Variants in CNTNAP2 observed in about 807,000 individuals in gnomAD.
CNTNAP2 encodes contactin associated protein 2, also known as contactin-associated protein-like 2.
CNTNAP2 carries 98 observed loss-of-function variants against 155.2 expected under a neutral mutation model. The ratio of observed to expected loss-of-function variants is 0.63; its 90% CI spans 0.54 to 0.75. The LOEUF (loss-of-function observed/expected upper bound fraction) is 0.75. CNTNAP2 is among the 30% of genes least tolerant of loss of function. CNTNAP2 has a pLI of 0.00. For missense variants in CNTNAP2, 1,727 were observed against 1,688.1 expected (o/e 1.02, Z -0.40); for synonymous variants, 651 against 631.2 (o/e 1.03, Z -0.47).
intron 21 of CNTNAP2, among the ~76,000 whole-genome samples, chr7:148,267,909 C>T (rs921658439): frequency 1.3e-5 from 2 of 152,114 alleles, no homozygotes; most frequent in African/African-American, 4.8e-5. Context: ...TCCTCTCACT[C>T]GTAAGAAAGC....
At chr7:146,673,409 CG>C (rs1800342925) in intron 1 of CNTNAP2, among the ~76,000 whole-genome samples, 2 of 152,098 alleles carry the variant, frequency 1.3e-5, no homozygotes, top group African/African-American at 4.8e-5. Context: ...ATGCCAGAAA[CG>C]AAACAGAAAT....
intron 14 of CNTNAP2, among the ~76,000 whole-genome samples, chr7:147,949,250 T>C (rs369875683): frequency 2.0e-5 from 3 of 151,606 alleles, no homozygotes; most frequent in African/African-American, 4.8e-5. Flanking sequence ...AAGAAAAATA[T>C]ATTTACTAGT....
chr7:147,495,894 C>T (rs1798698973), intron 11 of CNTNAP2, among the ~76,000 whole-genome samples: 1 of 152,162 alleles, frequency 6.6e-6, no homozygotes, highest in Non-Finnish European at 1.5e-5. Context: ...TACAGCCACT[C>T]CCCATTGCTC....
intron 13 of CNTNAP2, among the ~76,000 whole-genome samples, chr7:147,850,971 C>T (rs1031093707): frequency 2.0e-5 from 3 of 152,194 alleles, no homozygotes; most frequent in East Asian, 1.9e-4. Context: ...AAACTACCAG[C>T]AGAGTGAACA....
intron 13 of CNTNAP2, among the ~76,000 whole-genome samples, chr7:147,878,279 G>A (rs1799458983): frequency 6.6e-6 from 1 of 151,974 alleles, no homozygotes; most frequent in Non-Finnish European, 1.5e-5. Flanking sequence ...TGATGATGAT[G>A]ATGATAGTGA....
At chr7:147,775,234 T>A (rs1437876689) in intron 13 of CNTNAP2, among the ~76,000 whole-genome samples, 1 of 123,038 alleles carries the variant, frequency 8.1e-6, no homozygotes, top group Non-Finnish European at 1.6e-5. Context: ...AAGAAATATA[T>A]ATATATATTT....
intron 21 of CNTNAP2, among the ~76,000 whole-genome samples, chr7:148,272,861 A>G (rs1796806262): frequency 6.6e-6 from 1 of 152,236 alleles, no homozygotes; most frequent in Non-Finnish European, 1.5e-5. Context: ...CAAGACCCGT[A>G]AAGGAAATGT....
chr7:147,976,604 A>T (rs1308785096), intron 14 of CNTNAP2, among the ~76,000 whole-genome samples: 1 of 152,238 alleles, frequency 6.6e-6, no homozygotes, highest in Non-Finnish European at 1.5e-5. Context: ...ATTTGAGGCC[A>T]ACTGGCCAAG....
intron 1 of CNTNAP2, among the ~76,000 whole-genome samples, chr7:146,248,395 C>T (rs1037881326): frequency 1.3e-5 from 2 of 152,244 alleles, no homozygotes; most frequent in African/African-American, 4.8e-5. Context: ...GGCATCCCTG[C>T]GTGGTCTGAC....
chr7:146,739,638 G>A (rs965387860), intron 1 of CNTNAP2, among the ~76,000 whole-genome samples: 1 of 151,930 alleles, frequency 6.6e-6, no homozygotes, highest in African/African-American at 2.4e-5. Flanking sequence ...TGGATGGAAT[G>A]TTATTTATAT....
chr7:146,331,446 A>C (rs1372706305), intron 1 of CNTNAP2, among the ~76,000 whole-genome samples: 1 of 152,088 alleles, frequency 6.6e-6, no homozygotes, highest in Non-Finnish European at 1.5e-5. Context: ...GCAGAAGAGG[A>C]CTTTGAACAT....
At position 146,628,963 on chromosome 7, in the gene CNTNAP2, C is replaced by T. The variant is rs909230400; in HGVS notation, c.98-145308C>T. The stretch of plus-strand genomic sequence containing the variant: ...AAAGAAGTAAGCATGTAAAGTCATA[C>T]GGGCTCAAACTTTCACGTACCTGTG... On this transcript the variant is annotated intron_variant, in intron 1 of 23. Transcript: ENST00000361727. 4.6e-5 allele frequency among the ~76,000 whole-genome samples: 7 copies of T among 152,126 alleles called. No homozygotes were observed. In the South Asian group the frequency reaches 1.0e-3, roughly 22 times the overall value.
chr7:148,229,833 C>A, intron 20 of CNTNAP2, 54 bp downstream of exon 20: 1 of 1,598,590 alleles, frequency 6.3e-7, no homozygotes, highest in Non-Finnish European at 8.5e-7. Context: ...TAGTCCCTGT[C>A]CCTATAATGC....
At chr7:147,746,444 C>T (rs1345391949) in intron 13 of CNTNAP2, among the ~76,000 whole-genome samples, 1 of 152,148 alleles carries the variant, frequency 6.6e-6, no homozygotes, top group Non-Finnish European at 1.5e-5. Context: ...GCCAGTCTCA[C>T]ACGTCTTCCG....
At chr7:147,601,154 T>C (rs1800935480) in intron 12 of CNTNAP2, among the ~76,000 whole-genome samples, 1 of 152,136 alleles carries the variant, frequency 6.6e-6, no homozygotes, top group South Asian at 2.1e-4. Context: ...CTCTGTCTCC[T>C]CCCTCCTGTG....
intron 11 of CNTNAP2, among the ~76,000 whole-genome samples, chr7:147,545,157 A>C (rs896501778): frequency 1.3e-5 from 2 of 152,090 alleles, no homozygotes; most frequent in Non-Finnish European, 2.9e-5. Context: ...CTTTTTCTTA[A>C]ATTTTTAAGA....
At chr7:146,709,193 C>T (rs889601480) in intron 1 of CNTNAP2, among the ~76,000 whole-genome samples, 1 of 151,574 alleles carries the variant, frequency 6.6e-6, no homozygotes, top group Non-Finnish European at 1.5e-5. Flanking sequence ...TAGTCAAATT[C>T]CATTTTTTTA....
chr7:147,566,518 A>C (rs1202648189), intron 12 of CNTNAP2, among the ~76,000 whole-genome samples: 1 of 152,200 alleles, frequency 6.6e-6, no homozygotes, highest in African/African-American at 2.4e-5. Flanking sequence ...ACAGTTGCTC[A>C]TGGCTGGGGA....
Position 147,222,965 on chromosome 7 carries a change from C to T in CNTNAP2, c.1349-77176C>T, listed in dbSNP as rs57980945. 4.2e-3 allele frequency among the ~76,000 whole-genome samples: 640 copies of T among 152,246 alleles called. 5 individuals carry two copies. Among genetic ancestry groups the T allele is most frequent in the African/African-American group, 0.015 (618 of 41,542 alleles). On this transcript the variant is annotated intron_variant, in intron 8 of 23. Coordinates refer to ENST00000361727, the MANE Select transcript of CNTNAP2 (RefSeq NM_014141.6). ...TTAACCAGTTTCTCCTGAAGGCAGA[C>T]CTTGTTAAGAACACAGCGTTCTGGC...
Sources: allele counts gnomAD v4.1 joint callset (sites outside exome capture counted in the v4.1 genomes callset), GRCh38; gene constraint gnomAD v4.1.1; transcripts MANE v1.5; gene names NCBI Gene and HGNC (gene_info 2026-07-23, HGNC 2026-07-21).